HROB: variants seen among roughly 807,000 people sequenced by gnomAD.
The protein encoded by HROB is homologous recombination factor with OB-fold.
Under a neutral mutation model 61.0 loss-of-function variants are expected in HROB, and 44 were observed. That is an observed-to-expected ratio of 0.72 (90% confidence interval 0.57 to 0.93). The LOEUF is 0.93. HROB is among the 40% of genes least tolerant of loss of function. The probability of loss-of-function intolerance (pLI) is 0.00; values close to 1 mark genes in which losing one functional copy is unlikely to be tolerated. For synonymous variants in HROB, 301 were observed against 310.4 expected (o/e 0.97, Z 0.32); for missense variants, 716 against 796.2 (o/e 0.90, Z 1.21).
Position 44,155,428 on chromosome 17 carries a change from G to A in HROB, c.1770+17G>A, listed in dbSNP as rs751393198. The A allele has an allele frequency of 6.2e-7, 1 of 1,613,204 alleles. No homozygotes were observed. The highest frequency in any genetic ancestry group is 1.1e-5 in the South Asian group (1 of 90,944). On this transcript the variant is annotated intron_variant, in intron 8 of 9. Coordinates refer to ENST00000585683, the MANE Select transcript of HROB (RefSeq NM_001171251.3). ...TTCCCCAAGGTAAGAGGAGCAGGAA[G>A]AAACGGGAGACTGGTAAGGCCCTCC... is the stretch of plus-strand genomic sequence containing the variant.
At chr17:44,157,737 C>T in intron 8 of HROB, 96 bp from the exon 9 acceptor site, 1 of 866,504 alleles carries the variant, frequency 1.2e-6, no homozygotes. Flanking sequence ...TTTCCTGAGC[C>T]CCACACTGTT....
At position 44,142,025 on chromosome 17, in the gene HROB, C is replaced by G; in HGVS notation, c.-118C>G. 1 of 1,384,264 alleles carries G rather than the reference C, an allele frequency of 7.2e-7. No homozygotes were observed. Among genetic ancestry groups the G allele is most frequent in the Non-Finnish European group, 9.8e-7 (1 of 1,022,852 alleles). The allele number at this position is 1,384,264 out of a possible 1,614,324, so 85.7% of individuals were successfully genotyped here. A position where few individuals can be genotyped will look rare whatever the true frequency, so the allele number is the denominator to read the frequency against. On this transcript the variant is annotated 5_prime_UTR_variant, in exon 1 of 10. Coordinates refer to ENST00000585683, the MANE Select transcript of HROB (RefSeq NM_001171251.3). ...GAGACTCATCCCTCTGACCCCAGCC[C>G]GGAAGCACTGTCCCTCGGAGTCCGA...
chr17:44,159,290 C>T (rs1269724171), intron 9 of HROB, among the ~76,000 whole-genome samples: 1 of 151,918 alleles, frequency 6.6e-6, no homozygotes, highest in Non-Finnish European at 1.5e-5. Flanking sequence ...TGGATATTAC[C>T]AATCATTAGT....
chr17:44,160,444 C>CT (rs1567725207), intron 9 of HROB, among the ~76,000 whole-genome samples: 1 of 152,118 alleles, frequency 6.6e-6, no homozygotes, highest in Admixed American at 6.5e-5. Context: ...TGGCGGGCGC[C>CT]TGTAGTCCAG....
At chr17:44,161,013 T>C (rs1041955872) in intron 9 of HROB, among the ~76,000 whole-genome samples, 2 of 152,078 alleles carry the variant, frequency 1.3e-5, no homozygotes, top group Non-Finnish European at 2.9e-5. Flanking sequence ...CCATCTTGGC[T>C]AACACGGTGA....
intron 8 of HROB, 144 bp from the exon 9 acceptor site, chr17:44,157,689 A>G (rs1039701687): frequency 1.4e-5 from 7 of 502,562 alleles, no homozygotes; most frequent in Non-Finnish European, 2.5e-5. Flanking sequence ...GGCTGGGATT[A>G]CAGGTGTGAG....
rs749775870 is a variant in HROB at position 44,161,918 on chromosome 17, G to A, written c.1927G>A (p.Gly643Arg). Residue 643 changes from glycine (G) to arginine (R), a missense_variant, in exon 10 of 10, where the codon GGG (glycine) becomes AGG (arginine). Gly to Arg is a moderately radical substitution (Grantham distance 125). Coordinates refer to ENST00000585683, the MANE Select transcript of HROB (RefSeq NM_001171251.3). ...TGAGCTTCCTGAAGACTTCTTCTGT[G>A]GGACCAGTAGTTGAGACTGCCCCAA... ...LSELPEDFFC[G>R]TSS is the part of the protein sequence containing the mutation. 4.0e-5 allele frequency: 64 copies of A among 1,614,030 alleles called. No homozygotes were observed. Among genetic ancestry groups the A allele is most frequent in the Middle Eastern group, 1.6e-4 (1 of 6,084 alleles).
intron 5 of HROB, among the ~76,000 whole-genome samples, chr17:44,153,278 T>G (rs1189112337): frequency 1.3e-5 from 2 of 151,108 alleles, no homozygotes; most frequent in African/African-American, 4.9e-5. Flanking sequence ...AGACCCTGTC[T>G]CTACAAAAAA....
At chr17:44,146,223 GT>G (rs907379400) in intron 2 of HROB, among the ~76,000 whole-genome samples, 2 of 151,936 alleles carry the variant, frequency 1.3e-5, no homozygotes, top group African/African-American at 4.8e-5. Context: ...CTAATTTTTC[GT>G]TTTTTTGTAG....
chr17:44,146,763 G>A (rs985477590), intron 2 of HROB, among the ~76,000 whole-genome samples: 3 of 152,050 alleles, frequency 2.0e-5, no homozygotes, highest in Admixed American at 6.6e-5. Context: ...ACACAAAGCA[G>A]GAAAAAGCCT....
chr17:44,145,136 C>G, intron 1 of HROB, 67 bp from the exon 2 acceptor site: 1 of 1,541,546 alleles, frequency 6.5e-7, no homozygotes, highest in Non-Finnish European at 9.0e-7. Context: ...TGGGAAGAAG[C>G]AGAGTGAGGA....
chr17:44,152,089 C>T (rs905190894), intron 4 of HROB, among the ~76,000 whole-genome samples: 5 of 152,088 alleles, frequency 3.3e-5, no homozygotes, highest in Admixed American at 2.0e-4. Flanking sequence ...TCATGATCTG[C>T]CCGCCTTGGC....
intron 1 of HROB, among the ~76,000 whole-genome samples, chr17:44,143,022 CA>C (rs2053502306): frequency 6.6e-6 from 1 of 152,158 alleles, no homozygotes; most frequent in Admixed American, 6.5e-5. Context: ...CTGCAACCTC[CA>C]CTTCCCAGGT....
At position 44,148,484 on chromosome 17, in the gene HROB, T is replaced by TGA; in HGVS notation, c.683_684dup (p.Asp231Ter). The TGA allele has an allele frequency of 1.2e-6, 2 of 1,614,130 alleles. No individual in the cohort carries two copies. Among genetic ancestry groups the TGA allele is most frequent in the Admixed American group, 3.3e-5 (2 of 60,004 alleles). On this transcript the variant is annotated frameshift_variant, in exon 3 of 10. Coordinates refer to ENST00000585683, the MANE Select transcript of HROB (RefSeq NM_001171251.3). LOFTEE classifies it high-confidence loss of function. Reference sequence around the variant, plus strand: ...AAGCGGGTATCATGTCCGCCCAGGATGAGTCTCTAGATCCTGTCATCCAAT... The same window carrying TGA: ...AAGCGGGTATCATGTCCGCCCAGGATGAGAGTCTCTAGATCCTGTCATCCAAT...
intron 5 of HROB, 104 bp from the exon 6 acceptor site, chr17:44,154,452 A>G (rs1362965031): frequency 6.9e-6 from 7 of 1,016,616 alleles, no homozygotes; most frequent in South Asian, 2.6e-5. Context: ...CACTATAACT[A>G]TACTCTGACC....
chr17:44,157,417 T>TTTTTTTTTTTTTTG, intron 8 of HROB, among the ~76,000 whole-genome samples: 1 of 147,252 alleles, frequency 6.8e-6, no homozygotes. Flanking sequence ...TTTTTTTTTT[T>TTTTTTTTTTTTTTG]TTTTTTTTTT....
rs763290498 is a variant in HROB, at chr17:44,148,127, C to T, written c.324C>T (p.Ser108=). 6.2e-7 allele frequency: 1 copy of T among 1,614,206 alleles called. No homozygotes were observed. Among genetic ancestry groups the T allele is most frequent in the South Asian group, 1.1e-5 (1 of 91,086 alleles). ...AAPLRPVSTS[S]SWIGNQRRVT... is the part of the protein sequence containing the mutation. Reference sequence around the variant, plus strand: ...CCCTAAGGCCTGTCTCTACTTCCAGCAGCTGGATTGGCAATCAGAGAAGAG... The same window carrying T: ...CCCTAAGGCCTGTCTCTACTTCCAGTAGCTGGATTGGCAATCAGAGAAGAG... The change falls in exon 3 of 10, where the codon AGC becomes AGT. Residue 108 remains serine, a synonymous_variant. Transcript: ENST00000585683.
rs139563255 is a variant in HROB at position 44,147,976 on chromosome 17, C to G, written c.173C>G (p.Ser58Cys). 157 of 1,614,060 alleles carry G rather than the reference C, an allele frequency of 9.7e-5. No individual in the cohort carries two copies. Among genetic ancestry groups the G allele is most frequent in the Non-Finnish European group, 8.6e-5 (102 of 1,180,028 alleles). The change falls in exon 3 of 10, where the codon TCC (serine) becomes TGC (cysteine). Residue 58 changes from serine to cysteine, a missense_variant. Physicochemically the swap from Ser to Cys is moderately radical, Grantham distance 112. Coordinates refer to ENST00000585683, the MANE Select transcript of HROB (RefSeq NM_001171251.3). ...RPQETVQAQSSRLLLLHPTAP... is the reference protein window; with the variant it reads ...RPQETVQAQSCRLLLLHPTAP... ...CAGGAGACTGTGCAGGCACAGTCCT[C>G]CAGGCTGCTGCTGTTACACCCCACT...
At chr17:44,156,289 G>A (rs1318322109) in intron 8 of HROB, among the ~76,000 whole-genome samples, 2 of 151,630 alleles carry the variant, frequency 1.3e-5, no homozygotes, top group Non-Finnish European at 2.9e-5. Context: ...AGGCCAGAGT[G>A]CAGTGGCGTG....
Sources: gnomAD v4.1 joint callset for allele counts (sites outside exome capture counted in the v4.1 genomes callset) on GRCh38, gnomAD v4.1.1 for gene constraint, MANE v1.5 for transcripts, NCBI Gene and HGNC (gene_info 2026-07-23, HGNC 2026-07-21) for gene names.